Variants in FYB2 observed in about 807,000 individuals in gnomAD.
The protein encoded by FYB2 is FYN binding protein 2.
In FYB2, 103 loss-of-function variants were observed where a neutral mutation model predicts 94.1. The observed-to-expected ratio is 1.09, with a 90% CI of 0.93 to 1.29. The LOEUF is 1.29. Among genes scored for constraint, FYB2 ranks in the 50% most tolerant of loss-of-function variants. The pLI is 0.00. For synonymous variants in FYB2, 293 were observed against 287.9 expected, an observed-to-expected ratio of 1.02 and a Z score of -0.18; for missense variants, 896 against 841.5, an observed-to-expected ratio of 1.06 and a Z score of -0.80.
intron 3 of FYB2, among the ~76,000 whole-genome samples, chr1:56,787,416 T>A (rs1485185389): frequency 6.6e-6 from 1 of 152,194 alleles, no homozygotes; most frequent in Non-Finnish European, 1.5e-5. Context: ...TACAATTTCT[T>A]ATTTATGGGT....
At chr1:56,752,804 C>T (rs1188991496) in intron 8 of FYB2, among the ~76,000 whole-genome samples, 4 of 152,080 alleles carry the variant, frequency 2.6e-5, no homozygotes, top group Non-Finnish European at 4.4e-5. Context: ...GCCACATAGC[C>T]AGCATTGAAA....
intron 5 of FYB2, among the ~76,000 whole-genome samples, chr1:56,763,684 C>T (rs143325225): frequency 3.0e-3 from 449 of 151,838 alleles, no homozygotes; most frequent in African/African-American, 0.01. Context: ...CCTTGCTAGA[C>T]GTTTATCAAT....
chr1:56,723,697 C>T lies in FYB2; in HGVS notation c.1881-16G>A. 7.0e-7 allele frequency: 1 copy of T among 1,433,544 alleles called. No homozygotes were observed. Among genetic ancestry groups the T allele is most frequent in the South Asian group, 1.2e-5 (1 of 83,606 alleles). The allele number at this position is 1,433,544 out of a possible 1,614,324, so 88.8% of individuals were successfully genotyped here. ...AGGAGAGAAACTAGCAAGAAATGTG[C>T]AGGTAGGGTAAAACGTACTATAATA... On this transcript the variant is annotated splice_polypyrimidine_tract_variant and intron_variant, in intron 16 of 19. Coordinates refer to ENST00000343433, the MANE Select transcript of FYB2 (RefSeq NM_001004303.5).
In FYB2 at chr1:56,753,948, G is replaced by A. The variant is rs200661231; in HGVS notation, c.1131-13C>T. ...TTCATGTTTAGCACTGAAATGTGAAGAGATACCAGGAAAAAAATGAAGCTT... is the reference window on the plus strand; with the variant it reads ...TTCATGTTTAGCACTGAAATGTGAAAAGATACCAGGAAAAAAATGAAGCTT... On this transcript the variant is annotated splice_polypyrimidine_tract_variant and intron_variant, in intron 7 of 19. Coordinates refer to ENST00000343433, the MANE Select transcript of FYB2 (RefSeq NM_001004303.5). The A allele has an allele frequency of 2.0e-6, 3 of 1,471,124 alleles. No homozygotes were observed. The allele number at this position is 1,471,124 out of a possible 1,614,324, so 91.1% of individuals were successfully genotyped here.
chr1:56,764,336 C>T (rs1570057052), intron 5 of FYB2, among the ~76,000 whole-genome samples: 1 of 152,244 alleles, frequency 6.6e-6, no homozygotes, highest in African/African-American at 2.4e-5. Context: ...GCCTTCTCTT[C>T]TCTTTCCAGA....
At chr1:56,785,474 A>ACTGAC (rs1646113047) in intron 4 of FYB2, among the ~76,000 whole-genome samples, 1 of 152,200 alleles carries the variant, frequency 6.6e-6, no homozygotes, top group Non-Finnish European at 1.5e-5. Flanking sequence ...ACACGTCTCC[A>ACTGAC]CTGACCTGTC....
chr1:56,810,433 A>G (rs1273920567), intron 1 of FYB2, among the ~76,000 whole-genome samples: 1 of 152,060 alleles, frequency 6.6e-6, no homozygotes, highest in Non-Finnish European at 1.5e-5. Context: ...CAATGCTAGT[A>G]CAGAACAAGG....
chr1:56,773,528 C>T (rs1160368515), intron 4 of FYB2, among the ~76,000 whole-genome samples: 1 of 152,150 alleles, frequency 6.6e-6, no homozygotes, highest in Non-Finnish European at 1.5e-5. Context: ...CTCATAGAGT[C>T]ACTGTGAGGG....
intron 11 of FYB2, among the ~76,000 whole-genome samples, chr1:56,743,404 A>C (rs1644998833): frequency 6.6e-6 from 1 of 152,086 alleles, no homozygotes; most frequent in Non-Finnish European, 1.5e-5. Flanking sequence ...AGTCCATGGT[A>C]CTATGAGATT....
At chr1:56,809,346 C>G (rs890741711) in intron 1 of FYB2, among the ~76,000 whole-genome samples, 2 of 150,968 alleles carry the variant, frequency 1.3e-5, no homozygotes, top group African/African-American at 4.8e-5. Context: ...TTCCTCTTCT[C>G]TCTCCCTCTG....
chr1:56,752,447 G>A (rs559358747), intron 8 of FYB2, among the ~76,000 whole-genome samples: 1 of 152,058 alleles, frequency 6.6e-6, no homozygotes, highest in African/African-American at 2.4e-5. Context: ...ACATTTGAAA[G>A]TACTTGGGAA....
Position 56,740,854 on chromosome 1 carries a change from G to C in FYB2, c.1605-59C>G, listed in dbSNP as rs1644936026. ...ATTTAAGAGAGTACTAGAGATAGAAGGCTGTTGTATTATAAAATCAAATGC... is the reference window on the plus strand; with the variant it reads ...ATTTAAGAGAGTACTAGAGATAGAACGCTGTTGTATTATAAAATCAAATGC... On this transcript the variant is annotated intron_variant, in intron 12 of 19. Transcript: ENST00000343433. 4 of 1,165,644 alleles carry C rather than the reference G, an allele frequency of 3.4e-6. No homozygotes were observed. In the East Asian group the frequency reaches 7.4e-5, roughly 22 times the overall value. The allele number at this position is 1,165,644 out of a possible 1,614,324, so 72.2% of individuals were successfully genotyped here.
At chr1:56,779,915 G>A (rs1645968773) in intron 4 of FYB2, among the ~76,000 whole-genome samples, 1 of 151,906 alleles carries the variant, frequency 6.6e-6, no homozygotes, top group South Asian at 2.1e-4. Context: ...TCTGAAACAG[G>A]GCAAGCCATG....
intron 2 of FYB2, among the ~76,000 whole-genome samples, chr1:56,791,644 GGGA>G (rs1369148570): frequency 1.3e-5 from 2 of 152,170 alleles, no homozygotes; most frequent in African/African-American, 4.8e-5. Context: ...TGTAGAATGA[GGGA>G]GGAGAAGGGA....
chr1:56,821,384 T>C (rs1646990555), upstream of FYB2, among the ~76,000 whole-genome samples: 1 of 152,128 alleles, frequency 6.6e-6, no homozygotes, highest in Admixed American at 6.5e-5. Flanking sequence ...GGGTGGGTAC[T>C]GTTTTGCCAG....
upstream of FYB2, among the ~76,000 whole-genome samples, chr1:56,822,773 A>T (rs1647000187): frequency 6.6e-6 from 1 of 152,152 alleles, no homozygotes; most frequent in Non-Finnish European, 1.5e-5. Flanking sequence ...AGCATTTAAA[A>T]CAGATCTGAA....
Position 56,789,018 on chromosome 1 carries a change from C to T in FYB2, c.874G>A (p.Ala292Thr). Reference protein sequence around the residue: ...PSRPPIVNLQAFQRQPAAVPK... With the variant: ...PSRPPIVNLQTFQRQPAAVPK... The stretch of plus-strand genomic sequence containing the variant: ...ACAGCAGCTGGCTGCCTCTGAAAGG[C>T]CTGGAGGTTCACGATGGGAGGTCTT... The change falls in exon 3 of 20, where the codon GCC becomes ACC. Residue 292 changes from alanine to threonine, a missense_variant. By Grantham distance (58) the Ala-to-Thr change is moderately conservative. Coordinates refer to ENST00000343433, the MANE Select transcript of FYB2 (RefSeq NM_001004303.5). 4 of 1,614,042 alleles carry T rather than the reference C, an allele frequency of 2.5e-6. No homozygotes were observed. In the South Asian group the frequency reaches 3.3e-5, roughly 13 times the overall value.
At chr1:56,724,768 G>T (rs1238052765) in intron 16 of FYB2, among the ~76,000 whole-genome samples, 1 of 151,992 alleles carries the variant, frequency 6.6e-6, no homozygotes, top group Non-Finnish European at 1.5e-5. Context: ...ATCTTAGAAA[G>T]TGGGTTATCC....
intron 5 of FYB2, among the ~76,000 whole-genome samples, chr1:56,763,028 T>G (rs12095329): frequency 3.3e-5 from 5 of 152,234 alleles, no homozygotes; most frequent in African/African-American, 1.2e-4. Flanking sequence ...CCTGCCAATA[T>G]GGTGATTTTG....
Sources: gnomAD v4.1 joint callset for allele counts (sites outside exome capture counted in the v4.1 genomes callset) on GRCh38, gnomAD v4.1.1 for gene constraint, MANE v1.5 for transcripts, NCBI Gene and HGNC (gene_info 2026-07-23, HGNC 2026-07-21) for gene names.